Variants in RMDN2 observed in about 807,000 individuals in gnomAD.
RMDN2 encodes the protein regulator of microtubule dynamics 2, also known as regulator of microtubule dynamics protein 2.
A neutral mutation model predicts 52.8 loss-of-function variants in RMDN2; 61 were observed. That is an observed-to-expected ratio of 1.16 (90% CI 0.94 to 1.43). The LOEUF (loss-of-function observed/expected upper bound fraction) is 1.43. RMDN2 is among the 40% of genes most tolerant of loss of function. The pLI is 0.00. For missense variants in RMDN2, 592 were observed against 475.3 expected, an observed-to-expected ratio of 1.25 and a Z score of -2.28; for synonymous variants, 180 against 153.1, an observed-to-expected ratio of 1.18 and a Z score of -1.30.
At chr2:37,959,976 T>C (rs13019801) in intron 2 of RMDN2, among the ~76,000 whole-genome samples, 45,730 of 146,472 alleles carry the variant, frequency 0.31, 7,631 homozygotes, top group East Asian at 0.63. Context: ...TTCTTAATCT[T>C]GAGTTCTAAT....
downstream of RMDN2, among the ~76,000 whole-genome samples, chr2:38,020,790 C>A (rs1164773934): frequency 2.0e-5 from 3 of 152,130 alleles, no homozygotes; most frequent in African/African-American, 4.8e-5. Flanking sequence ...GCCTGAACCT[C>A]CCCCGCCTCC....
Position 37,981,282 on chromosome 2 carries a change from G to T in RMDN2, c.731-1G>T. On this transcript the variant is annotated splice_acceptor_variant, in intron 4 of 10. Transcript: ENST00000354545. LOFTEE classifies it high-confidence loss of function. ...TAAGTGTAAGTACTTTTATCTTTCA[G>T]GAAAAACTTTAAGTGAAAGAGCTAT... is the stretch of plus-strand genomic sequence containing the variant. 6.3e-7 allele frequency: 1 copy of T among 1,579,306 alleles called. No individual in the cohort carries two copies. Among genetic ancestry groups the T allele is most frequent in the South Asian group, 1.1e-5 (1 of 90,292 alleles).
Position 37,975,292 on chromosome 2 carries a change from A to C in RMDN2, c.708A>C (p.Glu236Asp). ...ATGAACTATCTACAAACACACAAGA[A>C]AAGAAACATTATGCTAATATTGGTA... is the stretch of plus-strand genomic sequence containing the variant. The part of the protein sequence containing the change: ...DMYELSTNTQ[E>D]KKHYANIGKT... Residue 236 changes from glutamate (E) to aspartate (D), a missense_variant, in exon 4 of 11, where the codon GAA becomes GAC. Coordinates refer to ENST00000354545, the MANE Select transcript of RMDN2 (RefSeq NM_001170791.3). 6.3e-7 allele frequency: 1 copy of C among 1,598,956 alleles called. No individual in the cohort carries two copies. Among genetic ancestry groups the C allele is most frequent in the Middle Eastern group, 1.7e-4 (1 of 6,032 alleles).
At chr2:38,040,889 C>T (rs1680906935) in intron 10 of RMDN2, among the ~76,000 whole-genome samples, 2 of 151,976 alleles carry the variant, frequency 1.3e-5, no homozygotes, top group Admixed American at 1.3e-4. Flanking sequence ...TTTTTTATTT[C>T]TTTCATCAGA....
At chr2:37,924,649 G>C (rs977162686), upstream of RMDN2, among the ~76,000 whole-genome samples, 9 of 152,224 alleles carry the variant, frequency 5.9e-5, no homozygotes, top group African/African-American at 2.2e-4. Context: ...TTACAGGCGT[G>C]ACCCACCGCG....
intron 10 of RMDN2, among the ~76,000 whole-genome samples, chr2:38,005,879 A>G (rs907010530): frequency 4.6e-5 from 7 of 152,196 alleles, no homozygotes; most frequent in African/African-American, 1.7e-4. Flanking sequence ...TAATTTTTGT[A>G]TAAGGTGTAA....
chr2:38,029,329 C>G (rs1052657862), intron 10 of RMDN2: 2 of 152,198 alleles, frequency 1.3e-5, no homozygotes, highest in African/African-American at 4.8e-5. Flanking sequence ...ATGGAAATCT[C>G]CCTTCCCACT....
chr2:37,972,679 G>A (rs1425341703), intron 2 of RMDN2, among the ~76,000 whole-genome samples: 1 of 152,216 alleles, frequency 6.6e-6, no homozygotes, highest in Non-Finnish European at 1.5e-5. Flanking sequence ...GGTCATTGCA[G>A]TAATCCAGAT....
chr2:38,031,416 G>C (rs59635950), intron 10 of RMDN2, among the ~76,000 whole-genome samples: 4,982 of 151,906 alleles, frequency 0.033, 271 homozygotes, highest in African/African-American at 0.12. Flanking sequence ...TGAAACTACA[G>C]GTCCCTTTCC....
At chr2:38,054,359 C>A (rs1681762806) in intron 10 of RMDN2, among the ~76,000 whole-genome samples, 1 of 152,154 alleles carries the variant, frequency 6.6e-6, no homozygotes, top group Admixed American at 6.5e-5. Flanking sequence ...TTAGATTAGG[C>A]AACTATAAAA....
At position 37,925,344 on chromosome 2, in the gene RMDN2, G is replaced by A. The variant is rs1666175241; in HGVS notation, c.-98G>A. On this transcript the variant is annotated 5_prime_UTR_variant, in exon 1 of 11. Coordinates refer to ENST00000354545, the MANE Select transcript of RMDN2 (RefSeq NM_001170791.3). The stretch of plus-strand genomic sequence containing the variant: ...GACCTTAGGACCCGCGGGCTCCAGG[G>A]CTACTGTCCGTCCGCCACTGCGCGC... 6.6e-6 allele frequency: 1 copy of A among 152,298 alleles called. No individual in the cohort carries two copies. The highest frequency in any genetic ancestry group is 6.5e-5 in the Admixed American group (1 of 15,288). The allele number at this position is 152,298 out of a possible 1,614,324, so 9.4% of individuals were successfully genotyped here. A position where few individuals can be genotyped will look rare whatever the true frequency, so the allele number is the denominator to read the frequency against.
At chr2:38,058,492 G>A (rs896623932) in intron 10 of RMDN2, among the ~76,000 whole-genome samples, 1 of 152,228 alleles carries the variant, frequency 6.6e-6, no homozygotes, top group Non-Finnish European at 1.5e-5. Context: ...TCAGGCAGGG[G>A]ACTTCAGGAC....
rs973636791 is a variant in RMDN2, at chr2:37,938,248, C to G, written c.452+8519C>G. Among the ~76,000 whole-genome samples, 28 of 152,278 alleles carry G rather than the reference C, an allele frequency of 1.8e-4. No individual in the cohort carries two copies. In the Middle Eastern group the frequency reaches 0.01, roughly 55 times the overall value. On this transcript the variant is annotated intron_variant, in intron 2 of 10. Coordinates refer to ENST00000354545, the MANE Select transcript of RMDN2 (RefSeq NM_001170791.3). ...CCTTGCATCCCAGGGATGAAGGCAA[C>G]TTGATCATGGTGGATAAGCTTTTTG... is the stretch of plus-strand genomic sequence containing the variant.
At chr2:38,027,587 C>G (rs191833600) in intron 10 of RMDN2, among the ~76,000 whole-genome samples, 99 of 152,236 alleles carry the variant, frequency 6.5e-4, no homozygotes, top group African/African-American at 2.3e-3. Flanking sequence ...AATTGACATA[C>G]TTGTACTATG....
chr2:38,022,707 T>C (rs768088283), downstream of RMDN2, among the ~76,000 whole-genome samples: 1 of 152,208 alleles, frequency 6.6e-6, no homozygotes, highest in Non-Finnish European at 1.5e-5. Context: ...ATGGCCTTCA[T>C]TGTAACATGA....
chr2:37,923,884 G>A (rs1219521820), upstream of RMDN2, among the ~76,000 whole-genome samples: 2 of 152,090 alleles, frequency 1.3e-5, no homozygotes, highest in Non-Finnish European at 2.9e-5. Context: ...CGAGCAGCTG[G>A]GACTACAGAA....
intron 10 of RMDN2, among the ~76,000 whole-genome samples, chr2:38,057,109 A>G (rs1188396070): frequency 3.9e-5 from 6 of 152,238 alleles, no homozygotes; most frequent in Non-Finnish European, 7.3e-5. Flanking sequence ...TGATTTGTCA[A>G]CCATAAAGTG....
At chr2:38,007,521 A>C (rs1677284629) in intron 10 of RMDN2, among the ~76,000 whole-genome samples, 1 of 152,122 alleles carries the variant, frequency 6.6e-6, no homozygotes, top group African/African-American at 2.4e-5. Flanking sequence ...CTCTGATGGT[A>C]GTTTGTATTT....
intron 5 of RMDN2, among the ~76,000 whole-genome samples, chr2:37,984,443 G>A (rs891984980): frequency 2.0e-5 from 3 of 152,166 alleles, no homozygotes; most frequent in African/African-American, 7.2e-5. Context: ...CTTTATAGAT[G>A]GGGTAAGCAA....
Sources: allele counts gnomAD v4.1 joint callset (sites outside exome capture counted in the v4.1 genomes callset), GRCh38; gene constraint gnomAD v4.1.1; transcripts MANE v1.5; gene names NCBI Gene and HGNC (gene_info 2026-07-23, HGNC 2026-07-21).